Variants in ARHGAP15 observed in about 807,000 individuals in gnomAD.
ARHGAP15 encodes the protein rho GTPase-activating protein 15.
In ARHGAP15, 51 loss-of-function variants were observed where a neutral mutation model predicts 63.7. That is an observed-to-expected ratio of 0.80 (90% CI 0.64 to 1.01). The LOEUF (loss-of-function observed/expected upper bound fraction) is 1.01. ARHGAP15 is among the 50% of genes least tolerant of loss of function. The probability of loss-of-function intolerance (pLI) is 0.00; values close to 1 mark genes in which losing one functional copy is unlikely to be tolerated. For synonymous variants in ARHGAP15, 191 were observed against 193.8 expected, an observed-to-expected ratio of 0.99 and a Z score of 0.12; for missense variants, 560 against 564.6, an observed-to-expected ratio of 0.99 and a Z score of 0.08.
intron 6 of ARHGAP15, among the ~76,000 whole-genome samples, chr2:143,329,816 T>C (rs1684426790): frequency 6.6e-6 from 1 of 151,350 alleles, no homozygotes; most frequent in African/African-American, 2.4e-5. Flanking sequence ...ATCACTAACT[T>C]AGAGTTTTAA....
intron 6 of ARHGAP15, among the ~76,000 whole-genome samples, chr2:143,327,996 A>G (rs189265622): frequency 6.6e-6 from 1 of 152,340 alleles, no homozygotes; most frequent in Non-Finnish European, 1.5e-5. Flanking sequence ...ACATATGAAA[A>G]ACTCATAATC....
At chr2:143,372,639 T>C (rs1294788906) in intron 6 of ARHGAP15, among the ~76,000 whole-genome samples, 1 of 152,170 alleles carries the variant, frequency 6.6e-6, no homozygotes, top group Non-Finnish European at 1.5e-5. Context: ...TTTCATTACA[T>C]TATTTCATTA....
At chr2:143,232,121 A>T (rs757346026) in intron 5 of ARHGAP15, among the ~76,000 whole-genome samples, 1 of 152,196 alleles carries the variant, frequency 6.6e-6, no homozygotes, top group African/African-American at 2.4e-5. Flanking sequence ...TTTCATAGAG[A>T]TTCATAGGTA....
Position 143,216,410 on chromosome 2 carries a change from A to G in ARHGAP15, c.261A>G (p.Gln87=), listed in dbSNP as rs767902765. 2 of 1,611,250 alleles carry G rather than the reference A, an allele frequency of 1.2e-6. No individual in the cohort carries two copies. The highest frequency in any genetic ancestry group is 1.7e-6 in the Non-Finnish European group (2 of 1,178,936). ...TGGTTGAAAAAGAAGGTTATCTGCA[A>G]AAAGCTAAAATTGCAGATGGAGGAA... ...QLMVEKEGYL[Q]KAKIADGGKK... The change falls in exon 4 of 14, where the codon CAA becomes CAG. Residue 87 remains glutamine (Q), a synonymous_variant. Coordinates refer to ENST00000295095, the MANE Select transcript of ARHGAP15 (RefSeq NM_018460.4).
At chr2:143,204,206 T>C (rs1457014651) in intron 3 of ARHGAP15, among the ~76,000 whole-genome samples, 1 of 152,156 alleles carries the variant, frequency 6.6e-6, no homozygotes, top group Admixed American at 6.6e-5. Context: ...TTACCCACTT[T>C]CGCTTTCTAC....
At chr2:143,610,123 G>A (rs186878419) in intron 11 of ARHGAP15, among the ~76,000 whole-genome samples, 1 of 152,206 alleles carries the variant, frequency 6.6e-6, no homozygotes, top group Admixed American at 6.5e-5. Context: ...CAAATTTTAA[G>A]ACTGAATGGC....
At chr2:143,468,034 T>G (rs1189439780) in intron 8 of ARHGAP15, among the ~76,000 whole-genome samples, 4 of 152,138 alleles carry the variant, frequency 2.6e-5, no homozygotes, top group Non-Finnish European at 4.4e-5. Context: ...CTTTGCTTCC[T>G]TAAAGCTGGA....
intron 11 of ARHGAP15, chr2:143,608,603 T>A (rs1698133331): frequency 6.6e-6 from 1 of 152,230 alleles, no homozygotes; most frequent in Non-Finnish European, 1.5e-5. Flanking sequence ...CAGAAAGCAG[T>A]ACTGAGTGTC....
intron 9 of ARHGAP15, among the ~76,000 whole-genome samples, chr2:143,512,942 C>T (rs1693652787): frequency 6.6e-6 from 1 of 152,238 alleles, no homozygotes; most frequent in Non-Finnish European, 1.5e-5. Context: ...CTAGAAACAA[C>T]CACCTCAGTC....
rs1274691894 is a variant in ARHGAP15 at position 143,330,112 on chromosome 2, A to T, written c.474+79512A>T. Among the ~76,000 whole-genome samples, 563 of 88,000 alleles carry T rather than the reference A, an allele frequency of 6.4e-3. 46 individuals are homozygous for T. Among genetic ancestry groups the T allele is most frequent in the Non-Finnish European group, 7.7e-3 (340 of 43,882 alleles). The allele number at this position is 88,000 out of a possible 152,430, so 57.7% of individuals were successfully genotyped here. On this transcript the variant is annotated intron_variant, in intron 6 of 13. Coordinates refer to ENST00000295095, the MANE Select transcript of ARHGAP15 (RefSeq NM_018460.4). ...TCTGTCTCAAAAAAAAAAAAAAAAA[A>T]AAAAAAAAAAAAAAAAAAACCAAAA...
At chr2:143,630,433 A>T (rs1699016173) in intron 12 of ARHGAP15, among the ~76,000 whole-genome samples, 1 of 152,124 alleles carries the variant, frequency 6.6e-6, no homozygotes, top group Admixed American at 6.6e-5. Context: ...TTACAGAAGA[A>T]GTTAGGATGA....
intron 6 of ARHGAP15, among the ~76,000 whole-genome samples, chr2:143,348,911 G>A (rs890636505): frequency 2.0e-5 from 3 of 152,122 alleles, no homozygotes; most frequent in Non-Finnish European, 2.9e-5. Context: ...TAAGTCAGAA[G>A]GTGTTCCATT....
chr2:143,438,149 G>A (rs917154318), intron 8 of ARHGAP15, among the ~76,000 whole-genome samples: 1 of 151,976 alleles, frequency 6.6e-6, no homozygotes, highest in African/African-American at 2.4e-5. Flanking sequence ...TTTTTTTCCT[G>A]CTATTTCCCT....
chr2:143,588,292 T>A (rs1697187222), intron 11 of ARHGAP15, among the ~76,000 whole-genome samples: 1 of 152,218 alleles, frequency 6.6e-6, no homozygotes, highest in Admixed American at 6.5e-5. Context: ...TTAAGCTTTC[T>A]ATTTTTTTAA....
At chr2:143,383,588 T>C (rs886677697) in intron 6 of ARHGAP15, among the ~76,000 whole-genome samples, 1 of 152,222 alleles carries the variant, frequency 6.6e-6, no homozygotes, top group African/African-American at 2.4e-5. Context: ...ATTCTCGATA[T>C]TAAGCCAGAT....
intron 12 of ARHGAP15, among the ~76,000 whole-genome samples, chr2:143,673,245 C>T (rs1682621963): frequency 6.6e-6 from 1 of 152,088 alleles, no homozygotes; most frequent in South Asian, 2.1e-4. Flanking sequence ...AGAGTGTAGA[C>T]TACCTTTGAG....
At chr2:143,274,868 CA>C (rs779419024) in intron 6 of ARHGAP15, among the ~76,000 whole-genome samples, 8 of 152,084 alleles carry the variant, frequency 5.3e-5, no homozygotes, top group Admixed American at 2.0e-4. Context: ...ATTCCCGAAT[CA>C]AACTCTTCTG....
chr2:143,759,040 C>A (rs974726561), intron 13 of ARHGAP15, among the ~76,000 whole-genome samples: 1 of 152,152 alleles, frequency 6.6e-6, no homozygotes, highest in Non-Finnish European at 1.5e-5. Flanking sequence ...CTAGATAATT[C>A]TTTGTCATCA....
At chr2:143,614,642 G>T (rs1391480380) in intron 11 of ARHGAP15, among the ~76,000 whole-genome samples, 4 of 152,182 alleles carry the variant, frequency 2.6e-5, no homozygotes, top group African/African-American at 7.2e-5. Flanking sequence ...AAAAATGAGT[G>T]CATCAGTCAC....
Sources: gnomAD v4.1 joint callset for allele counts (sites outside exome capture counted in the v4.1 genomes callset) on GRCh38, gnomAD v4.1.1 for gene constraint, MANE v1.5 for transcripts, NCBI Gene and HGNC (gene_info 2026-07-23, HGNC 2026-07-21) for gene names.